PCDHGB2: variants seen among roughly 807,000 people sequenced by gnomAD.
PCDHGB2 encodes the protein protocadherin gamma subfamily B, 2.
Under a neutral mutation model 59.3 loss-of-function variants are expected in PCDHGB2, and 55 were observed. The observed-to-expected ratio is 0.93, with a 90% CI of 0.75 to 1.16. PCDHGB2 has a LOEUF of 1.16. Ranked by LOEUF, PCDHGB2 falls within the 50% of genes most tolerant of loss-of-function variation. The pLI is 0.00. For synonymous variants in PCDHGB2, 516 were observed against 512.0 expected, an observed-to-expected ratio of 1.01 and a Z score of -0.11; for missense variants, 1,228 against 1,198.5, an observed-to-expected ratio of 1.02 and a Z score of -0.36.
rs776657082 is a variant in PCDHGB2, at chr5:141,432,778, G to A, written c.2422-62029G>A. On this transcript the variant is annotated intron_variant, in intron 1 of 3. Coordinates refer to ENST00000522605, the MANE Select transcript of PCDHGB2 (RefSeq NM_018923.3). The surrounding 1 kb of genome is among the most constrained non-coding windows in gnomAD (Gnocchi z 6.0). ...CCGACAGCATCCCCCAAGTCCTGGC[G>A]GACCTCGGCAGCCTCGAGTCTCCAG... 6.2e-7 allele frequency: 1 copy of A among 1,614,166 alleles called. No homozygotes were observed. Among genetic ancestry groups the A allele is most frequent in the Non-Finnish European group, 8.5e-7 (1 of 1,180,002 alleles).
In PCDHGB2 at chr5:141,362,454, A is replaced by G. The variant is rs1762511081; in HGVS notation, c.2319A>G (p.Glu773=). Residue 773 remains glutamate, a synonymous_variant, in exon 1 of 4, where the codon GAA becomes GAG. Transcript: ENST00000522605. ...TEFNFLNITP[E]LVPAQDLVCD... is the part of the protein sequence containing the mutation. ...TCAATTTTCTGAACATAACCCCGGA[A>G]TTGGTTCCCGCGCAAGATCTCGTCT... is the stretch of plus-strand genomic sequence containing the variant. 6.2e-7 allele frequency: 1 copy of G among 1,614,056 alleles called. No individual in the cohort carries two copies. Among genetic ancestry groups the G allele is most frequent in the Non-Finnish European group, 8.5e-7 (1 of 1,179,904 alleles).
rs768286784 is a variant in PCDHGB2 at position 141,361,660 on chromosome 5, G to T, written c.1525G>T (p.Ala509Ser). The T allele has an allele frequency of 5.6e-6, 9 of 1,613,754 alleles. 1 individual carries two copies. The highest frequency in any genetic ancestry group is 2.2e-5 in the East Asian group (1 of 44,882). ...GATTTTATCCTACGTGTCCGTGAGC[G>T]CGCAGAGCGGGGTGGTGTTCGCGCA... ...REILSYVSVS[A>S]QSGVVFAQRA... The change falls in exon 1 of 4, where the codon GCG (alanine) becomes TCG (serine). Residue 509 changes from alanine to serine, a missense_variant. Transcript: ENST00000522605.
chr5:141,389,281 G>A (rs768749414), intron 1 of PCDHGB2: 3 of 1,614,012 alleles, frequency 1.9e-6, no homozygotes, highest in South Asian at 2.2e-5. Context: ...AACCCGCCTG[G>A]AGCCTCTATT....
At position 141,360,166 on chromosome 5, in the gene PCDHGB2, G is replaced by A; in HGVS notation, c.31G>A (p.Val11Met). The A allele has an allele frequency of 6.2e-7, 1 of 1,607,924 alleles. No homozygotes were observed. The highest frequency in any genetic ancestry group is 8.5e-7 in the Non-Finnish European group (1 of 1,176,830). Residue 11 changes from valine to methionine, a missense_variant, in exon 1 of 4, where the codon GTG becomes ATG. By Grantham distance (21) the Val-to-Met change is conservative. This residue lies in a region of PCDHGB2 where 781 missense variants were observed against 721.6 expected (regional missense o/e 1.08). Transcript: ENST00000522605. MKASSGRCGL[V>M]RWLQVLLPFL... Reference sequence around the variant, plus strand: ...AGCGAGCTCAGGGAGGTGCGGGCTGGTGCGGTGGCTGCAGGTACTGTTGCC... The same window carrying A: ...AGCGAGCTCAGGGAGGTGCGGGCTGATGCGGTGGCTGCAGGTACTGTTGCC...
In PCDHGB2 at chr5:141,489,129, T is replaced by G; in HGVS notation, c.2422-5678T>G. On this transcript the variant is annotated intron_variant, in intron 1 of 3. Coordinates refer to ENST00000522605, the MANE Select transcript of PCDHGB2 (RefSeq NM_018923.3). This position sits in a 1 kb window ranked among gnomAD's most constrained non-coding sequence, Gnocchi z 4.5. ...AAGCAGGCAAACCTCCGAGCAGTTT[T>G]TAAGAGGCTGGAAGGAGACATAAGA... 1 of 761,976 alleles carries G rather than the reference T, an allele frequency of 1.3e-6. No homozygotes were observed. The highest frequency in any genetic ancestry group is 2.0e-6 in the Non-Finnish European group (1 of 490,014). The allele number at this position is 761,976 out of a possible 1,614,324, so 47.2% of individuals were successfully genotyped here.
In PCDHGB2 at chr5:141,393,482, T is replaced by C. The variant is rs116240246; in HGVS notation, c.2421+30926T>C. The C allele has an allele frequency of 5.3e-4, 852 of 1,614,070 alleles. 7 individuals carry two copies. In the African/African-American group the frequency reaches 0.01, roughly 19 times the overall value. ...CGGATGGCGGCAAGCCGCCTCGCTC[T>C]AGCACAGTGCGCATCCACGTGACAG... is the stretch of plus-strand genomic sequence containing the variant. On this transcript the variant is annotated intron_variant, in intron 1 of 3. Coordinates refer to ENST00000522605, the MANE Select transcript of PCDHGB2 (RefSeq NM_018923.3).
chr5:141,365,523 T>C lies in PCDHGB2; in HGVS notation c.2421+2967T>C, dbSNP rs1445858385. 1 of 1,613,750 alleles carries C rather than the reference T, an allele frequency of 6.2e-7. No homozygotes were observed. The highest frequency in any genetic ancestry group is 1.7e-5 in the Admixed American group (1 of 60,002). ...TTGCCTTTTAAATTGGAGAAGTCAG[T>C]TGATAATTACTATCACCTATTAACA... is the stretch of plus-strand genomic sequence containing the variant. On this transcript the variant is annotated intron_variant, in intron 1 of 3. Coordinates refer to ENST00000522605, the MANE Select transcript of PCDHGB2 (RefSeq NM_018923.3).
chr5:141,476,920 A>G lies in PCDHGB2; in HGVS notation c.2422-17887A>G. The G allele has an allele frequency of 6.2e-7, 1 of 1,614,094 alleles. No individual in the cohort carries two copies. The highest frequency in any genetic ancestry group is 1.1e-5 in the South Asian group (1 of 91,088). On this transcript the variant is annotated intron_variant, in intron 1 of 3. Coordinates refer to ENST00000522605, the MANE Select transcript of PCDHGB2 (RefSeq NM_018923.3). This position sits in a 1 kb window ranked among gnomAD's most constrained non-coding sequence, Gnocchi z 7.6. ...GCACGCGCGTGGTACAAGTCCTTGC[A>G]ACGGATCTGGATGAAGGCCCCAACG...
At chr5:141,419,114 A>G in intron 1 of PCDHGB2, 1 of 1,613,926 alleles carries the variant, frequency 6.2e-7, no homozygotes. Flanking sequence ...CCCAGAGTAC[A>G]ACGTCACCAT....
Position 141,360,230 on chromosome 5 carries a change from A to G in PCDHGB2, c.95A>G (p.Gln32Arg), listed in dbSNP as rs1761484495. Residue 32 changes from glutamine to arginine, a missense_variant, in exon 1 of 4, where the codon CAG (glutamine) becomes CGG (arginine). Physicochemically the swap from Gln to Arg is conservative, Grantham distance 43. Transcript: ENST00000522605. ...TTGTTCCCCGGGGCTCTCCCAGTCCAGATCCGCTATTCAATTCCAGAGGAG... is the reference window on the plus strand; with the variant it reads ...TTGTTCCCCGGGGCTCTCCCAGTCCGGATCCGCTATTCAATTCCAGAGGAG... ...LSLFPGALPV[Q>R]IRYSIPEELA... is the part of the protein sequence containing the mutation. 1 of 1,613,852 alleles carries G rather than the reference A, an allele frequency of 6.2e-7. No individual in the cohort carries two copies. Among genetic ancestry groups the G allele is most frequent in the Non-Finnish European group, 8.5e-7 (1 of 1,179,822 alleles).
intron 1 of PCDHGB2, chr5:141,362,779 T>G (rs1588580747): frequency 3.3e-6 from 2 of 601,870 alleles, no homozygotes; most frequent in East Asian, 5.9e-5. Flanking sequence ...TTGCACTGTA[T>G]TTCTTTTTCT....
At position 141,395,537 on chromosome 5, in the gene PCDHGB2, A is replaced by T. The variant is rs946783125; in HGVS notation, c.2421+32981A>T. 3.3e-5 allele frequency: 8 copies of T among 243,972 alleles called. No homozygotes were observed. In the African/African-American group the frequency reaches 3.8e-4, roughly 12 times the overall value. 15.1% of individuals were successfully genotyped at this position (243,972 alleles called of 1,614,324 possible). On this transcript the variant is annotated intron_variant, in intron 1 of 3. Transcript: ENST00000522605. ...ACCCGTCCATACTGGTAATTTTGCT[A>T]TTGTTTGTGTGTGTGTGTGTGTGTG...
At position 141,365,767 on chromosome 5, in the gene PCDHGB2, C is replaced by A. The variant is rs775369116; in HGVS notation, c.2421+3211C>A. 1.9e-6 allele frequency: 3 copies of A among 1,613,718 alleles called. No homozygotes were observed. The East Asian group carries it at 6.7e-5, about 36-fold the overall frequency. ...TCTTCTCTGTGACAGCCCATGACCC[C>A]GACAGCGGCGACAACGCTCGAGTCA... On this transcript the variant is annotated intron_variant, in intron 1 of 3. Transcript: ENST00000522605.
At position 141,432,627 on chromosome 5, in the gene PCDHGB2, C is replaced by A. The variant is rs886117102; in HGVS notation, c.2422-62180C>A. 1 of 1,613,652 alleles carries A rather than the reference C, an allele frequency of 6.2e-7. No homozygotes were observed. The highest frequency in any genetic ancestry group is 8.5e-7 in the Non-Finnish European group (1 of 1,179,952). On this transcript the variant is annotated intron_variant, in intron 1 of 3. Transcript: ENST00000522605. This position sits in a 1 kb window ranked among gnomAD's most constrained non-coding sequence, Gnocchi z 6.0. ...GGACTCTTCTCGGTGGGTCTGCACA[C>A]GGGCGAGGTGCGCACGGCGCGAGCC...
chr5:141,439,162 C>T (rs1422780686), intron 1 of PCDHGB2, among the ~76,000 whole-genome samples: 1 of 149,498 alleles, frequency 6.7e-6, no homozygotes, highest in Non-Finnish European at 1.5e-5. Flanking sequence ...CACTGCACTC[C>T]AGCCTGGGCG....
intron 1 of PCDHGB2, chr5:141,440,709 A>C (rs1351127132): frequency 1.3e-5 from 2 of 152,216 alleles, no homozygotes; most frequent in Non-Finnish European, 2.9e-5. Context: ...GTGGAAAGAC[A>C]TATGTTGATC....
chr5:141,396,882 G>C (rs2093447309), intron 1 of PCDHGB2, among the ~76,000 whole-genome samples: 3 of 152,208 alleles, frequency 2.0e-5, no homozygotes, highest in African/African-American at 7.2e-5. Flanking sequence ...GCACATTTGA[G>C]AGGACAACAT....
At chr5:141,494,758 T>A (rs370692038) in intron 1 of PCDHGB2, 49 bp from the exon 2 acceptor site, 2 of 1,613,800 alleles carry the variant, frequency 1.2e-6, no homozygotes, top group Admixed American at 3.3e-5. Context: ...CGGGTGACAT[T>A]CTAACTTCTC....
chr5:141,384,092 T>C, intron 1 of PCDHGB2: 1 of 1,596,242 alleles, frequency 6.3e-7, no homozygotes. Flanking sequence ...GAAAAATCAA[T>C]AGATAATTAT....
Sources: gnomAD v4.1 joint callset for allele counts (sites outside exome capture counted in the v4.1 genomes callset) on GRCh38, gnomAD v4.1.1 for gene constraint, gnomAD v4.1.1 regional missense constraint, Gnocchi (gnomAD v3.1) non-coding constraint, MANE v1.5 for transcripts, NCBI Gene and HGNC (gene_info 2026-07-23, HGNC 2026-07-21) for gene names.